SCN11A: variants seen among roughly 807,000 people sequenced by gnomAD.
SCN11A encodes the protein sodium voltage-gated channel alpha subunit 11, also known as sodium channel protein type 11 subunit alpha.
A neutral mutation model predicts 162.2 loss-of-function variants in SCN11A; 122 were observed. The observed-to-expected ratio is 0.75, with a 90% CI of 0.65 to 0.87. SCN11A has a LOEUF of 0.87. Ranked by LOEUF, SCN11A falls within the 40% of genes least tolerant of loss-of-function variation. SCN11A has a pLI of 0.00. For missense variants in SCN11A, 2,015 were observed against 2,181.6 expected (o/e 0.92, Z 1.52); for synonymous variants, 758 against 751.5 (o/e 1.01, Z -0.14).
intron 21 of SCN11A, among the ~76,000 whole-genome samples, chr3:38,883,689 C>T (rs985047189): frequency 1.3e-5 from 2 of 152,132 alleles, no homozygotes; most frequent in Admixed American, 6.6e-5. Flanking sequence ...TTCAGGCTAC[C>T]CCATTGGGTC....
At chr3:38,917,434 A>T (rs1336314059) in intron 11 of SCN11A, among the ~76,000 whole-genome samples, 1 of 152,258 alleles carries the variant, frequency 6.6e-6, no homozygotes, top group Non-Finnish European at 1.5e-5. Context: ...ACAATGACAG[A>T]CTGGATAAAG....
intron 7 of SCN11A, 25 bp from the exon 8 acceptor site, chr3:38,926,956 G>C: frequency 6.2e-7 from 1 of 1,601,762 alleles, no homozygotes; most frequent in Non-Finnish European, 8.5e-7. Flanking sequence ...ATTTACAACA[G>C]GAAGAAACAT....
At chr3:38,947,596 C>T (rs1559550351) in intron 5 of SCN11A, among the ~76,000 whole-genome samples, 1 of 152,202 alleles carries the variant, frequency 6.6e-6, no homozygotes, top group Non-Finnish European at 1.5e-5. Context: ...ACAGGACAAA[C>T]TTGCCAATGG....
intron 4 of SCN11A, 159 bp from the exon 5 acceptor site, chr3:38,950,528 A>G: frequency 1.5e-6 from 1 of 679,618 alleles, no homozygotes; most frequent in Non-Finnish European, 2.5e-6. Flanking sequence ...TGTGAAGATC[A>G]GAAGAGATGA....
chr3:38,850,004 G>A (rs920505376), intron 29 of SCN11A: 1 of 149,368 alleles, frequency 6.7e-6, no homozygotes, highest in African/African-American at 2.5e-5. Context: ...CTTGTATAGG[G>A]GTTGAAAGGG....
At chr3:38,951,529 G>A (rs1394295334) in intron 4 of SCN11A, among the ~76,000 whole-genome samples, 2 of 152,256 alleles carry the variant, frequency 1.3e-5, no homozygotes, top group African/African-American at 2.4e-5. Flanking sequence ...AAGGGCTGAG[G>A]AGTGCGAGCG....
chr3:38,860,125 T>C (rs2064939561), intron 28 of SCN11A, among the ~76,000 whole-genome samples: 1 of 151,990 alleles, frequency 6.6e-6, no homozygotes, highest in Non-Finnish European at 1.5e-5. Flanking sequence ...TGATTCCATA[T>C]CAAACCTGAC....
chr3:39,026,338 C>T lies in SCN11A; in HGVS notation c.-280+6042G>A, dbSNP rs569846505. Among the ~76,000 whole-genome samples the T allele has an allele frequency of 2.6e-5, 4 of 152,252 alleles. 1 individual carries two copies. The Middle Eastern group carries it at 0.01, about 388-fold the overall frequency. On this transcript the variant is annotated intron_variant, in intron 2 of 29. Coordinates refer to ENST00000302328, the MANE Select transcript of SCN11A (RefSeq NM_001349253.2). ...CTTAAGATGTGTTCACTGTTCTCTA[C>T]CTGGGATATAATTTAGAAATGTCTT...
chr3:38,877,715 T>C (rs2065240351), intron 23 of SCN11A, among the ~76,000 whole-genome samples: 1 of 99,466 alleles, frequency 1.0e-5, no homozygotes. Flanking sequence ...ATATATGGTG[T>C]ATATACTATA....
At chr3:39,002,185 C>T (rs140398780) in intron 2 of SCN11A, among the ~76,000 whole-genome samples, 1 of 152,274 alleles carries the variant, frequency 6.6e-6, no homozygotes, top group African/African-American at 2.4e-5. Context: ...TATGCCAGTA[C>T]CAAACTGTTT....
At chr3:39,038,229 A>C (rs1344722969) in intron 1 of SCN11A, among the ~76,000 whole-genome samples, 2 of 152,184 alleles carry the variant, frequency 1.3e-5, no homozygotes, top group Admixed American at 1.3e-4. Context: ...ATTCAGGAGC[A>C]GTTTAGGTGG....
In SCN11A at chr3:38,849,257, C is replaced by CCT. The variant is rs1389887858; in HGVS notation, c.4327+1223_4327+1224insAG. 3.0e-3 allele frequency: 211 copies of CCT among 69,860 alleles called. 3 individuals are homozygous for CCT. The highest frequency in any genetic ancestry group is 0.012 in the African/African-American group (191 of 15,450). The allele number at this position is 69,860 out of a possible 1,614,324, so 4.3% of individuals were successfully genotyped here. A position where few individuals can be genotyped will look rare whatever the true frequency, so the allele number is the denominator to read the frequency against. On this transcript the variant is annotated intron_variant, in intron 29 of 29. Coordinates refer to ENST00000302328, the MANE Select transcript of SCN11A (RefSeq NM_001349253.2). ...GACATCTGACCACCATTTTCTAGCCCTTTTTTTTTTTTTTTTTTTTTTTTT... is the reference window on the plus strand; with the variant it reads ...GACATCTGACCACCATTTTCTAGCCCCTTTTTTTTTTTTTTTTTTTTTTTTTT...
intron 22 of SCN11A, among the ~76,000 whole-genome samples, chr3:38,880,675 T>C (rs11928765): frequency 0.027 from 4,152 of 152,300 alleles, 180 homozygotes; most frequent in African/African-American, 0.09. Flanking sequence ...TCATTTCTTA[T>C]GTGTGCCATG....
intron 28 of SCN11A, 43 bp downstream of exon 28, chr3:38,863,152 A>C (rs1313647992): frequency 1.8e-6 from 2 of 1,139,136 alleles, no homozygotes; most frequent in Non-Finnish European, 2.7e-6. Context: ...CCTCACAGTA[A>C]CTCAACTGTT....
intron 2 of SCN11A, among the ~76,000 whole-genome samples, chr3:39,019,495 C>A (rs2031389725): frequency 6.6e-6 from 1 of 152,188 alleles, no homozygotes; most frequent in South Asian, 2.1e-4. Context: ...TAAACTCTTT[C>A]TTTACTGCAA....
At chr3:38,850,886 T>C (rs2064767724) in intron 28 of SCN11A, 135 bp from the exon 29 acceptor site, 1 of 635,486 alleles carries the variant, frequency 1.6e-6, no homozygotes, top group Non-Finnish European at 2.5e-6. Flanking sequence ...CAGACCCTTT[T>C]CAAAGGGCAA....
intron 2 of SCN11A, among the ~76,000 whole-genome samples, chr3:39,012,674 C>T (rs2031181194): frequency 6.6e-6 from 1 of 152,074 alleles, no homozygotes; most frequent in Non-Finnish European, 1.5e-5. Flanking sequence ...AGGGTTTCAC[C>T]ATGTTGGCCA....
chr3:38,853,017 T>C (rs1176844203), intron 28 of SCN11A, among the ~76,000 whole-genome samples: 1 of 152,196 alleles, frequency 6.6e-6, no homozygotes, highest in Non-Finnish European at 1.5e-5. Context: ...AGATAAGCCA[T>C]GTGATAAGCA....
Position 38,872,262 on chromosome 3 carries a change from T to C in SCN11A, c.3426A>G (p.Glu1142=), listed in dbSNP as rs2065140596. The C allele has an allele frequency of 3.1e-6, 5 of 1,607,788 alleles. No individual in the cohort carries two copies. The highest frequency in any genetic ancestry group is 4.5e-5 in the East Asian group (2 of 44,848). ...CTCGTAGAGTCCGGAAGGACTTCAA[T>C]TCCATTAAGTTAATGAGGGTGGTCA... is the stretch of plus-strand genomic sequence containing the variant. The part of the protein sequence containing the change: ...VSVTTLINLM[E]LKSFRTLRAL... Residue 1142 remains glutamate (E), a synonymous_variant, in exon 24 of 30, where the codon GAA becomes GAG. Transcript: ENST00000302328.
Sources: allele counts gnomAD v4.1 joint callset (sites outside exome capture counted in the v4.1 genomes callset), GRCh38; gene constraint gnomAD v4.1.1; transcripts MANE v1.5; gene names NCBI Gene and HGNC (gene_info 2026-07-23, HGNC 2026-07-21).